HS2ST1: variants seen among roughly 807,000 people sequenced by gnomAD.
The protein encoded by HS2ST1 is heparan sulfate 2-O-sulfotransferase 1.
HS2ST1 carries 18 observed loss-of-function variants against 42.9 expected under a neutral mutation model. That is an observed-to-expected ratio of 0.42 (90% CI 0.29 to 0.62). HS2ST1 has a LOEUF of 0.62. HS2ST1 is among the 20% of genes least tolerant of loss of function. The pLI is 0.21. For synonymous variants in HS2ST1, 146 were observed against 152.9 expected (o/e 0.95, Z 0.33); for missense variants, 334 against 433.8 (o/e 0.77, Z 2.04).
chr1:87,056,316 A>G (rs1384388271), intron 1 of HS2ST1, among the ~76,000 whole-genome samples: 1 of 152,202 alleles, frequency 6.6e-6, no homozygotes, highest in African/African-American at 2.4e-5. Context: ...AGAAGACAAC[A>G]GATGTGGCTG....
At chr1:87,031,868 G>GA (rs561689584) in intron 1 of HS2ST1, among the ~76,000 whole-genome samples, 4 of 152,196 alleles carry the variant, frequency 2.6e-5, no homozygotes, top group African/African-American at 9.6e-5. Context: ...ATTTTTTAAA[G>GA]AAAAAATGAA....
At chr1:86,946,311 A>G (rs1203271895) in intron 1 of HS2ST1, among the ~76,000 whole-genome samples, 2 of 152,240 alleles carry the variant, frequency 1.3e-5, no homozygotes, top group Non-Finnish European at 1.5e-5. Context: ...GTGATTGTCC[A>G]GTGAAGTCTT....
At chr1:87,046,609 A>G (rs1312244301) in intron 1 of HS2ST1, 5 of 1,578,176 alleles carry the variant, frequency 3.2e-6, no homozygotes, top group Non-Finnish European at 3.5e-6. Context: ...ACTGGGCTGA[A>G]GTACAAAGTC....
chr1:86,958,302 G>C (rs558149639), intron 1 of HS2ST1: 2 of 152,336 alleles, frequency 1.3e-5, no homozygotes, highest in African/African-American at 2.4e-5. Flanking sequence ...TGTGTATTCT[G>C]TACTGTATTG....
intron 2 of HS2ST1, among the ~76,000 whole-genome samples, chr1:87,074,584 A>G (rs1651493318): frequency 6.6e-6 from 1 of 152,160 alleles, no homozygotes; most frequent in South Asian, 2.1e-4. Flanking sequence ...GGAGGAGCTC[A>G]CCACATATGA....
chr1:87,047,170 T>C (rs1477259049), intron 1 of HS2ST1, among the ~76,000 whole-genome samples: 1 of 152,196 alleles, frequency 6.6e-6, no homozygotes, highest in Non-Finnish European at 1.5e-5. Flanking sequence ...ATTTTTGTGT[T>C]ATCTCATTGT....
chr1:87,080,459 T>C (rs1170125133), intron 2 of HS2ST1, among the ~76,000 whole-genome samples: 61 of 151,986 alleles, frequency 4.0e-4, no homozygotes. Context: ...GAAGTTGAGA[T>C]TTTCAGTGTC....
At chr1:86,917,247 G>A (rs189948812) in intron 1 of HS2ST1, among the ~76,000 whole-genome samples, 57 of 152,174 alleles carry the variant, frequency 3.7e-4, no homozygotes, top group African/African-American at 1.3e-3. Context: ...GACCAGACAC[G>A]GTGGCTCACG....
intron 1 of HS2ST1, among the ~76,000 whole-genome samples, chr1:86,998,841 G>C (rs948620740): frequency 6.6e-6 from 1 of 152,160 alleles, no homozygotes; most frequent in Non-Finnish European, 1.5e-5. Flanking sequence ...TCAAACTGTG[G>C]TTCATGGACT....
intron 1 of HS2ST1, chr1:87,045,032 CTCT>C (rs1650612957): frequency 4.6e-6 from 6 of 1,312,644 alleles, no homozygotes; most frequent in Middle Eastern, 1.8e-4. Flanking sequence ...TGCGGCTTCT[CTCT>C]TCTTCACTGA....
At chr1:86,929,706 T>C (rs1165361823) in intron 1 of HS2ST1, among the ~76,000 whole-genome samples, 1 of 151,812 alleles carries the variant, frequency 6.6e-6, no homozygotes, top group Non-Finnish European at 1.5e-5. Context: ...TTAATGATAG[T>C]CAAATTAATG....
intron 1 of HS2ST1, among the ~76,000 whole-genome samples, chr1:86,937,029 C>T (rs1027151454): frequency 5.9e-4 from 89 of 151,810 alleles, no homozygotes; most frequent in Admixed American, 2.6e-3. Flanking sequence ...CGCTTGAACC[C>T]GGGAGGTGGA....
chr1:86,933,411 A>C (rs750400334), intron 1 of HS2ST1, among the ~76,000 whole-genome samples: 1 of 152,092 alleles, frequency 6.6e-6, no homozygotes, highest in Non-Finnish European at 1.5e-5. Context: ...AAGTTCACTG[A>C]TTGTTTTCTC....
chr1:87,064,635 G>A (rs1034158304), intron 1 of HS2ST1: 6 of 445,418 alleles, frequency 1.3e-5, no homozygotes, highest in African/African-American at 1.0e-4. Context: ...CCCCCATGGT[G>A]ATTGTGCTCA....
chr1:87,045,417 C>T (rs1042326682), intron 1 of HS2ST1: 2 of 1,453,214 alleles, frequency 1.4e-6, no homozygotes, highest in Non-Finnish European at 1.9e-6. Context: ...ATTTGGACAT[C>T]TGGTGCTACC....
chr1:87,072,361 A>C (rs1651432703), intron 1 of HS2ST1, among the ~76,000 whole-genome samples: 1 of 152,206 alleles, frequency 6.6e-6, no homozygotes, highest in Non-Finnish European at 1.5e-5. Flanking sequence ...TCACTTTATA[A>C]TCACTGTCCT....
At chr1:86,920,476 C>G (rs1479589070) in intron 1 of HS2ST1, among the ~76,000 whole-genome samples, 2 of 150,662 alleles carry the variant, frequency 1.3e-5, no homozygotes, top group Admixed American at 1.3e-4. Context: ...AATAGGAATA[C>G]AGTTATTCTA....
chr1:87,007,766 A>G (rs944093410), intron 1 of HS2ST1, among the ~76,000 whole-genome samples: 4 of 152,154 alleles, frequency 2.6e-5, no homozygotes, highest in East Asian at 1.9e-4. Context: ...TACCATTTCA[A>G]TGCTTGTGTC....
intron 1 of HS2ST1, among the ~76,000 whole-genome samples, chr1:87,043,148 A>G (rs1650562839): frequency 6.6e-6 from 1 of 152,164 alleles, no homozygotes; most frequent in Admixed American, 6.5e-5. Context: ...TTCAAAATAT[A>G]CTACAAAGTT....
Sources: allele counts gnomAD v4.1 joint callset (sites outside exome capture counted in the v4.1 genomes callset), GRCh38; gene constraint gnomAD v4.1.1; transcripts MANE v1.5; gene names NCBI Gene and HGNC (gene_info 2026-07-23, HGNC 2026-07-21).